GAS2: variants seen among roughly 807,000 people sequenced by gnomAD.
GAS2 encodes the protein growth arrest-specific protein 2.
A neutral mutation model predicts 37.5 loss-of-function variants in GAS2; 20 were observed. The ratio of observed to expected loss-of-function variants is 0.53; its 90% CI spans 0.37 to 0.77. GAS2 has a LOEUF of 0.77. Among genes scored for constraint, GAS2 ranks in the 30% least tolerant of loss-of-function variants. GAS2 has a pLI of 0.00. For missense variants in GAS2, 336 were observed against 373.4 expected, an observed-to-expected ratio of 0.90 and a Z score of 0.82; for synonymous variants, 144 against 132.2, an observed-to-expected ratio of 1.09 and a Z score of -0.61.
At chr11:22,749,769 T>G (rs1317959530) in intron 6 of GAS2, among the ~76,000 whole-genome samples, 1 of 151,792 alleles carries the variant, frequency 6.6e-6, no homozygotes, top group Non-Finnish European at 1.5e-5. Flanking sequence ...GGAGCTTAGA[T>G]TCCAACAAAA....
chr11:22,634,979 TC>T (rs1448613806), intron 1 of GAS2, among the ~76,000 whole-genome samples: 2 of 152,166 alleles, frequency 1.3e-5, no homozygotes, highest in Non-Finnish European at 2.9e-5. Context: ...CCAAAAGTTT[TC>T]TCCTTCAGGG....
intron 1 of GAS2, among the ~76,000 whole-genome samples, chr11:22,635,959 C>A (rs945712450): frequency 1.3e-5 from 2 of 152,206 alleles, no homozygotes; most frequent in Non-Finnish European, 2.9e-5. Flanking sequence ...ACCACTCACA[C>A]TCTGGGGACT....
chr11:22,783,972 C>T (rs1855701213), intron 7 of GAS2, among the ~76,000 whole-genome samples: 1 of 152,244 alleles, frequency 6.6e-6, no homozygotes. Flanking sequence ...GGCTTTATTT[C>T]TGTGTTCTCT....
chr11:22,636,028 T>C (rs1858816902), intron 1 of GAS2, among the ~76,000 whole-genome samples: 1 of 152,164 alleles, frequency 6.6e-6, no homozygotes, highest in Non-Finnish European at 1.5e-5. Context: ...CCACTCACAC[T>C]CTGGGGACTC....
intron 2 of GAS2, among the ~76,000 whole-genome samples, chr11:22,681,607 G>A (rs1000853544): frequency 2.0e-5 from 3 of 152,112 alleles, no homozygotes; most frequent in Non-Finnish European, 2.9e-5. Context: ...ACAATGAAAT[G>A]CTGAGGTTAG....
chr11:22,752,330 G>T (rs1565126706), intron 6 of GAS2, among the ~76,000 whole-genome samples: 1 of 151,848 alleles, frequency 6.6e-6, no homozygotes, highest in Non-Finnish European at 1.5e-5. Flanking sequence ...TGAACTATTT[G>T]CATTCTGTTT....
At chr11:22,669,870 G>A (rs577351568) in intron 1 of GAS2, among the ~76,000 whole-genome samples, 5 of 152,270 alleles carry the variant, frequency 3.3e-5, no homozygotes, top group Non-Finnish European at 5.9e-5. Context: ...TGTTGAAATT[G>A]TGGACTTTAT....
At position 22,705,334 on chromosome 11, in the gene GAS2, T is replaced by G. The variant is rs150478778; in HGVS notation, c.267+19545T>G. ...TATTTTCCCAGGGGTGTGTATGATT[T>G]GCTTCTCACTCTCTTCATGTCCCTG... On this transcript the variant is annotated intron_variant, in intron 3 of 7. Coordinates refer to ENST00000454584, the MANE Select transcript of GAS2 (RefSeq NM_001143830.3). 2.0e-5 allele frequency among the ~76,000 whole-genome samples: 3 copies of G among 152,174 alleles called. No homozygotes were observed. The East Asian group carries it at 5.8e-4, about 29-fold the overall frequency.
Position 22,811,778 on chromosome 11 carries a change from T to C in GAS2, c.724-20T>C, listed in dbSNP as rs377306959. On this transcript the variant is annotated intron_variant, in intron 7 of 7. Transcript: ENST00000454584. ...TAAGAATTCTCGGAATTTAACACTT[T>C]TGATATTTTTTCATTTCAGATGCTG... is the stretch of plus-strand genomic sequence containing the variant. The C allele has an allele frequency of 8.4e-5, 136 of 1,609,534 alleles. 1 individual carries two copies. Among genetic ancestry groups the C allele is most frequent in the Non-Finnish European group, 1.0e-4 (119 of 1,176,062 alleles).
chr11:22,632,028 A>T (rs1056797450), intron 1 of GAS2, among the ~76,000 whole-genome samples: 1 of 106,040 alleles, frequency 9.4e-6, no homozygotes, highest in Non-Finnish European at 1.9e-5. Flanking sequence ...CAGGATTTTT[A>T]TGTCTTCATG....
At chr11:22,726,252 T>C in intron 3 of GAS2, 40 bp from the exon 4 acceptor site, 2 of 1,574,316 alleles carry the variant, frequency 1.3e-6, no homozygotes, top group Non-Finnish European at 1.7e-6. Context: ...TGTGCTAACT[T>C]TGACAGATTT....
rs1590603659 is a variant in GAS2, at chr11:22,672,750, C to T, written c.-20-2100C>T. 2.0e-5 allele frequency: 3 copies of T among 151,894 alleles called. No individual in the cohort carries two copies. In the East Asian group the frequency reaches 5.8e-4, roughly 29 times the overall value. The allele number at this position is 151,894 out of a possible 1,614,324, so 9.4% of individuals were successfully genotyped here. On this transcript the variant is annotated intron_variant, in intron 1 of 7. Coordinates refer to ENST00000454584, the MANE Select transcript of GAS2 (RefSeq NM_001143830.3). ...ATGTATTACTTAAATGTTTCTGAGG[C>T]CAGCAGGCATATAGGAATCTTAACC...
At chr11:22,770,820 A>G (rs766767678) in intron 7 of GAS2, among the ~76,000 whole-genome samples, 1 of 152,194 alleles carries the variant, frequency 6.6e-6, no homozygotes, top group Non-Finnish European at 1.5e-5. Context: ...GCTTTTCTTT[A>G]GTCTTGTCAC....
rs986737847 is a variant in GAS2, at chr11:22,749,254, A to G, written c.608A>G (p.Asp203Gly). Residue 203 changes from aspartate to glycine, a missense_variant, in exon 6 of 8, where the codon GAT (aspartate) becomes GGT (glycine). Transcript: ENST00000454584. The part of the protein sequence containing the change: ...SGKKSTGNLL[D>G]DAVKRISEDP... ...AAAAAGAGTACAGGAAACTTACTGG[A>G]TGATGCAGTAAGTAAAATCAGTCAG... The G allele has an allele frequency of 1.2e-6, 2 of 1,611,292 alleles. No homozygotes were observed. The highest frequency in any genetic ancestry group is 1.7e-5 in the Admixed American group (1 of 59,560).
intron 1 of GAS2, among the ~76,000 whole-genome samples, chr11:22,670,528 A>G (rs922293075): frequency 1.3e-5 from 2 of 152,084 alleles, no homozygotes; most frequent in Non-Finnish European, 2.9e-5. Flanking sequence ...AAATATTCCT[A>G]TTTTGTCACA....
At position 22,678,030 on chromosome 11, in the gene GAS2, G is replaced by A. The variant is rs146646656; in HGVS notation, c.145+3016G>A. ...TCGTAGTTATAACACAAATGCAATT[G>A]ATGGTTTATGAAATTTTCTCAGAAA... On this transcript the variant is annotated intron_variant, in intron 2 of 7. Transcript: ENST00000454584. 2.0e-3 allele frequency among the ~76,000 whole-genome samples: 308 copies of A among 152,196 alleles called. 1 individual carries two copies. The highest frequency in any genetic ancestry group is 3.6e-3 in the Non-Finnish European group (247 of 67,994).
intron 1 of GAS2, among the ~76,000 whole-genome samples, chr11:22,643,826 A>G (rs1042831490): frequency 9.2e-5 from 14 of 152,142 alleles, no homozygotes; most frequent in African/African-American, 2.9e-4. Flanking sequence ...GTATATTGCT[A>G]TATAAATACC....
rs1025305252 is a variant in GAS2 at position 22,677,634 on chromosome 11, C to A, written c.145+2620C>A. 3.3e-5 allele frequency among the ~76,000 whole-genome samples: 5 copies of A among 152,120 alleles called. No homozygotes were observed. In the South Asian group the frequency reaches 1.0e-3, roughly 32 times the overall value. On this transcript the variant is annotated intron_variant, in intron 2 of 7. Transcript: ENST00000454584. ...AAGGCAGCTTGATCAGTGTGAGCAG[C>A]CCAAGACAGCCTCAAAGAATAGAGA...
At chr11:22,666,229 G>A (rs1319508576), upstream of GAS2, among the ~76,000 whole-genome samples, 3 of 152,228 alleles carry the variant, frequency 2.0e-5, no homozygotes, top group Non-Finnish European at 4.4e-5. Context: ...AAAAACAGCC[G>A]TGAGTACAGC....
Sources: allele counts gnomAD v4.1 joint callset (sites outside exome capture counted in the v4.1 genomes callset), GRCh38; gene constraint gnomAD v4.1.1; transcripts MANE v1.5; gene names NCBI Gene and HGNC (gene_info 2026-07-23, HGNC 2026-07-21).